Variants in RYR3 observed in about 807,000 individuals in gnomAD.
The protein encoded by RYR3 is ryanodine receptor 3, also known as brain ryanodine receptor-calcium release channel.
Under a neutral mutation model 584.3 loss-of-function variants are expected in RYR3, and 207 were observed. The observed-to-expected ratio is 0.35, with a 90% confidence interval of 0.32 to 0.40. The LOEUF is 0.40. RYR3 is among the 10% of genes least tolerant of loss of function. The probability of loss-of-function intolerance (pLI) is 1.00; values close to 1 mark genes in which losing one functional copy is unlikely to be tolerated. For missense variants in RYR3, 5,616 were observed against 6,089.2 expected (o/e 0.92, Z 2.59); for synonymous variants, 2,416 against 2,248.5 (o/e 1.07, Z -2.11).
intron 5 of RYR3, among the ~76,000 whole-genome samples, chr15:33,536,892 T>A (rs1342188975): frequency 6.6e-6 from 1 of 152,200 alleles, no homozygotes; most frequent in Non-Finnish European, 1.5e-5. Context: ...AAAACAATGC[T>A]TTTTAAAATT....
At chr15:33,784,099 G>A (rs909952901) in intron 65 of RYR3, among the ~76,000 whole-genome samples, 3 of 152,214 alleles carry the variant, frequency 2.0e-5, no homozygotes, top group African/African-American at 7.2e-5. Context: ...CTATTCCATA[G>A]CATAGAGACT....
chr15:33,522,145 C>T (rs186453672), intron 3 of RYR3, among the ~76,000 whole-genome samples: 66 of 149,702 alleles, frequency 4.4e-4, no homozygotes, highest in Admixed American at 4.3e-3. Context: ...AGCCTGTATT[C>T]CTAGCTACCC....
Position 33,823,441 on chromosome 15 carries a change from G to A in RYR3, c.11072+369G>A, listed in dbSNP as rs550245779. On this transcript the variant is annotated intron_variant, in intron 81 of 103. Coordinates refer to ENST00000634891, the MANE Select transcript of RYR3 (RefSeq NM_001036.6). ...AACCAGGAAAGAATGGAAAAGGGGG[G>A]ATTCCTGACTATGATTCAGGGCTAT... is the stretch of plus-strand genomic sequence containing the variant. Among the ~76,000 whole-genome samples the A allele has an allele frequency of 4.6e-5, 7 of 152,300 alleles. No individual in the cohort carries two copies. The South Asian group carries it at 6.2e-4, about 14-fold the overall frequency.
intron 78 of RYR3, among the ~76,000 whole-genome samples, 151 bp downstream of exon 78, chr15:33,820,963 C>G (rs1248952826): frequency 3.5e-5 from 1 of 28,890 alleles, no homozygotes; most frequent in Non-Finnish European, 6.3e-5. Context: ...CCCTGTGTAA[C>G]AGAACATGGA....
chr15:33,807,605 T>C (rs1255881060), intron 70 of RYR3, 36 bp downstream of exon 70: 5 of 1,548,386 alleles, frequency 3.2e-6, no homozygotes, highest in Non-Finnish European at 4.4e-6. Flanking sequence ...TTTTCTGTCC[T>C]AGTATTAGAG....
chr15:33,457,858 A>G (rs962704743), intron 1 of RYR3, among the ~76,000 whole-genome samples: 67 of 152,324 alleles, frequency 4.4e-4, no homozygotes, highest in African/African-American at 1.5e-3. Flanking sequence ...TGTTCATTTT[A>G]AAAGTTAAAA....
At chr15:33,435,892 TG>T (rs1293033171) in intron 1 of RYR3, among the ~76,000 whole-genome samples, 2 of 152,220 alleles carry the variant, frequency 1.3e-5, no homozygotes, top group African/African-American at 4.8e-5. Context: ...CACTACTGGC[TG>T]GGGTGGCAGC....
rs145249722 is a variant in RYR3, at chr15:33,334,303, G to A, written c.51+23207G>A. On this transcript the variant is annotated intron_variant, in intron 1 of 103. Transcript: ENST00000634891. ...ACTATACTAAAAGGCTACAGTAACC[G>A]AAACAACATGATACTGGTACAAGAA... Among the ~76,000 whole-genome samples, 1,167 of 152,130 alleles carry A rather than the reference G, an allele frequency of 7.7e-3. 13 individuals carry two copies. The highest frequency in any genetic ancestry group is 0.026 in the African/African-American group (1,062 of 41,520).
chr15:33,793,172 A>G (rs1342531329), intron 67 of RYR3, among the ~76,000 whole-genome samples: 7 of 152,216 alleles, frequency 4.6e-5, no homozygotes, highest in African/African-American at 1.7e-4. Flanking sequence ...GAACATTCAA[A>G]TGGAAAAGAC....
intron 1 of RYR3, among the ~76,000 whole-genome samples, chr15:33,385,858 C>T (rs767677264): frequency 4.6e-5 from 7 of 151,934 alleles, no homozygotes; most frequent in Non-Finnish European, 1.0e-4. Context: ...TGTGCACCAC[C>T]AAGCCTGGCT....
intron 17 of RYR3, 70 bp from the exon 18 acceptor site, chr15:33,603,053 T>C: frequency 6.4e-7 from 1 of 1,558,422 alleles, no homozygotes. Context: ...TTGCCTCCTA[T>C]GGTCTGGTTC....
In RYR3 at chr15:33,344,919, G is replaced by A. The variant is rs553639140; in HGVS notation, c.51+33823G>A. On this transcript the variant is annotated intron_variant, in intron 1 of 103. Coordinates refer to ENST00000634891, the MANE Select transcript of RYR3 (RefSeq NM_001036.6). Reference sequence around the variant, plus strand: ...CAGAAGTTCTGATGCTATAGCTGATGTTCAGAATTTTGTTGCTGAAATCCA... The same window carrying A: ...CAGAAGTTCTGATGCTATAGCTGATATTCAGAATTTTGTTGCTGAAATCCA... 6.6e-5 allele frequency among the ~76,000 whole-genome samples: 10 copies of A among 152,272 alleles called. No individual in the cohort carries two copies. The South Asian group carries it at 1.9e-3, about 28-fold the overall frequency.
chr15:33,485,504 T>C (rs2572175), intron 2 of RYR3, among the ~76,000 whole-genome samples: 67,699 of 152,046 alleles, frequency 0.45, 15,903 homozygotes, highest in Non-Finnish European at 0.52. Context: ...AAAGGCCTGG[T>C]GTTAAGAACA....
intron 2 of RYR3, among the ~76,000 whole-genome samples, chr15:33,501,665 T>C (rs2052003111): frequency 6.6e-6 from 1 of 152,046 alleles, no homozygotes; most frequent in Non-Finnish European, 1.5e-5. Context: ...CTCTATAAAA[T>C]CTCCTGAGAT....
At chr15:33,572,125 T>G (rs2058057912) in intron 12 of RYR3, among the ~76,000 whole-genome samples, 1 of 152,220 alleles carries the variant, frequency 6.6e-6, no homozygotes, top group Non-Finnish European at 1.5e-5. Context: ...TATTATATCT[T>G]CATAAGTTAT....
chr15:33,742,481 G>A, intron 52 of RYR3, 37 bp downstream of exon 52: 1 of 1,386,676 alleles, frequency 7.2e-7, no homozygotes, highest in Non-Finnish European at 1.0e-6. Context: ...CGTCAGGAAG[G>A]AAAAACAGCC....
chr15:33,540,666 G>C (rs1051328356), intron 6 of RYR3, 125 bp from the exon 7 acceptor site: 13 of 635,154 alleles, frequency 2.0e-5, no homozygotes, highest in Admixed American at 9.1e-5. Context: ...TCTCCCACAG[G>C]CTGTATAGAA....
intron 43 of RYR3, among the ~76,000 whole-genome samples, chr15:33,708,972 AATCAGAATAAGTCAGGGTGGAGCAGGTG>A (rs1416070759): frequency 7.5e-6 from 1 of 132,580 alleles, no homozygotes. Flanking sequence ...GGTAGCAGGT[AATCAGAATAAGTCAGGGTGGAGCAGGTG>A]ATCAGAATGA....
At chr15:33,807,705 C>T (rs1304317160) in intron 70 of RYR3, 136 bp downstream of exon 70, 5 of 843,396 alleles carry the variant, frequency 5.9e-6, no homozygotes, top group African/African-American at 3.4e-5. Context: ...AGGCCTGCTC[C>T]AGGGAAGACA....
Sources: gnomAD v4.1 joint callset for allele counts (sites outside exome capture counted in the v4.1 genomes callset) on GRCh38, gnomAD v4.1.1 for gene constraint, MANE v1.5 for transcripts, NCBI Gene and HGNC (gene_info 2026-07-23, HGNC 2026-07-21) for gene names.